Variants in TAFA2 observed in about 807,000 individuals in gnomAD.
TAFA2 encodes the protein TAFA chemokine like family member 2, also known as chemokine-like protein TAFA-2.
Under a neutral mutation model 18.8 loss-of-function variants are expected in TAFA2, and 7 were observed. The observed-to-expected ratio is 0.37, with a 90% CI of 0.21 to 0.70. TAFA2 has a LOEUF of 0.70. TAFA2 is among the 30% of genes least tolerant of loss of function. The pLI, the probability that TAFA2 is intolerant of heterozygous loss-of-function variation, is 0.53. For missense variants in TAFA2, 122 were observed against 158.1 expected (o/e 0.77, Z 1.23); for synonymous variants, 60 against 54.2 (o/e 1.11, Z -0.47).
chr12:61,772,385 A>G (rs766319607), intron 2 of TAFA2, among the ~76,000 whole-genome samples: 8 of 152,018 alleles, frequency 5.3e-5, no homozygotes, highest in Non-Finnish European at 1.2e-4. Flanking sequence ...CCATGAAGCC[A>G]GTATCACCCT....
rs191345902 is a variant in TAFA2 at position 62,156,270 on chromosome 12, T to C, written c.-2+34989A>G. Among the ~76,000 whole-genome samples, 7 of 152,184 alleles carry C rather than the reference T, an allele frequency of 4.6e-5. No homozygotes were observed. The East Asian group carries it at 1.4e-3, about 29-fold the overall frequency. ...ATACCACCTTACTCCTGCAAGAACGTCCATAATCAAAACATCTAAAAACAG... is the reference window on the plus strand; with the variant it reads ...ATACCACCTTACTCCTGCAAGAACGCCCATAATCAAAACATCTAAAAACAG... On this transcript the variant is annotated intron_variant, in intron 1 of 4. Transcript: ENST00000416284.
chr12:62,188,403 C>T (rs2062599969), intron 1 of TAFA2, among the ~76,000 whole-genome samples: 1 of 152,152 alleles, frequency 6.6e-6, no homozygotes, highest in Admixed American at 6.5e-5. Context: ...GTTGTTTCAT[C>T]TTTTCAAATA....
chr12:62,172,312 T>C (rs1565769532), intron 1 of TAFA2, among the ~76,000 whole-genome samples: 1 of 152,168 alleles, frequency 6.6e-6, no homozygotes, highest in Non-Finnish European at 1.5e-5. Flanking sequence ...GAACAGTTCC[T>C]GTCCCAAGGA....
rs893373528 is a variant in TAFA2 at position 62,250,322 on chromosome 12, C to T, written c.-130+8441G>A. On this transcript the variant is annotated intron_variant, in intron 1 of 5. Coordinates refer to the TAFA2 transcript ENST00000551619. Reference sequence around the variant, plus strand: ...TTCTATCCAATGCTTCTATCTAAATCGCATTTTTAAAATAAGGAACTATCT... The same window carrying T: ...TTCTATCCAATGCTTCTATCTAAATTGCATTTTTAAAATAAGGAACTATCT... Among the ~76,000 whole-genome samples the T allele has an allele frequency of 3.3e-5, 5 of 152,174 alleles. No homozygotes were observed. In the East Asian group the frequency reaches 9.7e-4, roughly 29 times the overall value.
intron 1 of TAFA2, chr12:61,880,479 T>A (rs1389598369): frequency 7.5e-6 from 4 of 535,602 alleles, no homozygotes; most frequent in Non-Finnish European, 1.5e-5. Flanking sequence ...GCCCTGGACA[T>A]CAAGACTGCC....
rs544048422 is a variant in TAFA2 at position 61,875,364 on chromosome 12, T to C, written c.-1-7938A>G. ...TATTCAGTGCTCCTCTCCTTATCAA[T>C]TGCTTATTGTTTTATAGTATTATCT... On this transcript the variant is annotated intron_variant, in intron 1 of 4. Transcript: ENST00000416284. Among the ~76,000 whole-genome samples, 8 of 152,232 alleles carry C rather than the reference T, an allele frequency of 5.3e-5. No homozygotes were observed. The South Asian group carries it at 1.7e-3, about 32-fold the overall frequency.
chr12:62,017,337 G>T (rs1197761062), intron 1 of TAFA2, among the ~76,000 whole-genome samples: 1 of 151,984 alleles, frequency 6.6e-6, no homozygotes, highest in Non-Finnish European at 1.5e-5. Context: ...ATTATTCCAA[G>T]AAAGCATTTT....
At chr12:61,885,120 TA>T (rs1417746220) in intron 1 of TAFA2, among the ~76,000 whole-genome samples, 1 of 152,162 alleles carries the variant, frequency 6.6e-6, no homozygotes, top group East Asian at 1.9e-4. Context: ...CCCTGTATTA[TA>T]AAAATAAGAA....
At chr12:61,939,962 T>C (rs1877930076) in intron 1 of TAFA2, among the ~76,000 whole-genome samples, 1 of 152,222 alleles carries the variant, frequency 6.6e-6, no homozygotes, top group Non-Finnish European at 1.5e-5. Context: ...TTTAACAGTG[T>C]TGTCTTACTC....
chr12:61,978,564 C>T (rs553236712), intron 1 of TAFA2, among the ~76,000 whole-genome samples: 15 of 152,144 alleles, frequency 9.9e-5, no homozygotes, highest in African/African-American at 2.9e-4. Context: ...AGTCTCTACA[C>T]ATGCCCGCAC....
rs1424747726 is a variant in TAFA2 at position 62,168,730 on chromosome 12, T to C, written c.-2+22529A>G. Among the ~76,000 whole-genome samples the C allele has an allele frequency of 5.3e-5, 8 of 152,076 alleles. 1 individual carries two copies. Among genetic ancestry groups the C allele is most frequent in the Admixed American group, 3.9e-4 (6 of 15,270 alleles). ...CGTGCACCTGTGGTCCCAAGTACTC[T>C]GGAGGCTGAGGTGGGAGGATCACTT... is the stretch of plus-strand genomic sequence containing the variant. On this transcript the variant is annotated intron_variant, in intron 1 of 4. Transcript: ENST00000416284.
At chr12:62,255,958 A>G (rs184566825) in intron 1 of TAFA2, among the ~76,000 whole-genome samples, 1 of 151,226 alleles carries the variant, frequency 6.6e-6, no homozygotes, top group Non-Finnish European at 1.5e-5. Context: ...GCTTTCTAGT[A>G]CACTTTATGT....
intron 1 of TAFA2, among the ~76,000 whole-genome samples, chr12:62,236,867 C>T (rs982198558): frequency 2.6e-5 from 4 of 152,082 alleles, no homozygotes; most frequent in Non-Finnish European, 4.4e-5. Context: ...TTTCTCACTA[C>T]TTTTAGAATC....
At chr12:61,907,745 C>T (rs1479949403) in intron 1 of TAFA2, among the ~76,000 whole-genome samples, 1 of 149,548 alleles carries the variant, frequency 6.7e-6, no homozygotes, top group African/African-American at 2.4e-5. Context: ...TGAAAGCAGG[C>T]AGGAGCGGGG....
chr12:61,719,267 A>G (rs1481888708), intron 4 of TAFA2, among the ~76,000 whole-genome samples: 2 of 152,208 alleles, frequency 1.3e-5, no homozygotes, highest in African/African-American at 4.8e-5. Flanking sequence ...CCAGGGTAGG[A>G]GGATAGAGGA....
chr12:61,894,658 T>C (rs2121303081), intron 1 of TAFA2, among the ~76,000 whole-genome samples: 1 of 152,378 alleles, frequency 6.6e-6, no homozygotes, highest in Non-Finnish European at 1.5e-5. Context: ...CTTAATGTTC[T>C]TGTTAACAAA....
intron 2 of TAFA2, among the ~76,000 whole-genome samples, chr12:61,755,436 C>G (rs1381749167): frequency 3.3e-5 from 5 of 152,064 alleles, no homozygotes; most frequent in Non-Finnish European, 7.4e-5. Flanking sequence ...TGGGTGGTTG[C>G]TGATAAAGCT....
rs367844639 is a variant in TAFA2 at position 62,201,214 on chromosome 12, A to G, written c.-130+57549T>C. On this transcript the variant is annotated intron_variant, in intron 1 of 5. Transcript: ENST00000551619. The stretch of plus-strand genomic sequence containing the variant: ...AGACAGTTTGACTTCCTCTCTTCCT[A>G]TTTGAATATGCTTTATTTCTTTCTC... Among the ~76,000 whole-genome samples, 11 of 152,192 alleles carry G rather than the reference A, an allele frequency of 7.2e-5. No individual in the cohort carries two copies. In the East Asian group the frequency reaches 1.7e-3, roughly 24 times the overall value.
intron 1 of TAFA2, chr12:62,235,151 T>G: frequency 1.5e-6 from 1 of 659,128 alleles, no homozygotes; most frequent in Non-Finnish European, 2.9e-6. Flanking sequence ...TCATCATCTC[T>G]TGCTGAGGGG....
Sources: gnomAD v4.1 joint callset for allele counts (sites outside exome capture counted in the v4.1 genomes callset) on GRCh38, gnomAD v4.1.1 for gene constraint, MANE v1.5 for transcripts, NCBI Gene and HGNC (gene_info 2026-07-23, HGNC 2026-07-21) for gene names.